FAM13C: variants seen among roughly 807,000 people sequenced by gnomAD.
FAM13C encodes the protein protein FAM13C.
FAM13C carries 37 observed loss-of-function variants against 73.2 expected under a neutral mutation model. The ratio of observed to expected loss-of-function variants is 0.51; its 90% CI spans 0.39 to 0.67. The LOEUF is 0.67. Among genes scored for constraint, FAM13C ranks in the 30% least tolerant of loss-of-function variants. The pLI, the probability that FAM13C is intolerant of heterozygous loss-of-function variation, is 0.00. For missense variants in FAM13C, 589 were observed against 715.6 expected (o/e 0.82, Z 2.02); for synonymous variants, 246 against 260.9 (o/e 0.94, Z 0.55).
At position 59,360,958 on chromosome 10, in the gene FAM13C, A is replaced by T; in HGVS notation, c.62+1441T>A. On this transcript the variant is annotated intron_variant, in intron 1 of 13. Coordinates refer to ENST00000618804, the MANE Select transcript of FAM13C (RefSeq NM_198215.4). ...GACTGACCGAGGATTTGGCCACACC[A>T]GGCTCCTGAGAATCGGGGCCAGAAA... 2.5e-6 allele frequency: 3 copies of T among 1,211,276 alleles called. No individual in the cohort carries two copies. In the South Asian group the frequency reaches 3.8e-5, roughly 15 times the overall value. The allele number at this position is 1,211,276 out of a possible 1,614,324, so 75.0% of individuals were successfully genotyped here. A position where few individuals can be genotyped will look rare whatever the true frequency, so the allele number is the denominator to read the frequency against.
chr10:59,324,933 A>G (rs1219379954), intron 3 of FAM13C, among the ~76,000 whole-genome samples: 1 of 152,230 alleles, frequency 6.6e-6, no homozygotes, highest in Admixed American at 6.5e-5. Flanking sequence ...TGGATTCAAC[A>G]CAAAGACATG....
intron 4 of FAM13C, among the ~76,000 whole-genome samples, chr10:59,303,812 G>A (rs1847889154): frequency 6.6e-6 from 1 of 152,108 alleles, no homozygotes. Flanking sequence ...AGTGATGTGA[G>A]CTTTTTTTCA....
At chr10:59,339,907 G>C (rs919197340) in intron 3 of FAM13C, among the ~76,000 whole-genome samples, 2 of 152,206 alleles carry the variant, frequency 1.3e-5, no homozygotes, top group African/African-American at 4.8e-5. Context: ...TTATGTGTGT[G>C]TGTGTTGAAG....
chr10:59,336,148 G>T (rs187271045), intron 3 of FAM13C, among the ~76,000 whole-genome samples: 165 of 152,300 alleles, frequency 1.1e-3, no homozygotes, highest in African/African-American at 3.9e-3. Flanking sequence ...TAGGCAAAGA[G>T]CACAGTAAAA....
chr10:59,299,545 C>T (rs548683525), intron 5 of FAM13C, among the ~76,000 whole-genome samples: 35 of 148,128 alleles, frequency 2.4e-4, no homozygotes, highest in African/African-American at 4.5e-4. Context: ...GAGATTTATT[C>T]GTTTTCTTTA....
chr10:59,307,313 T>C (rs1383337678), intron 4 of FAM13C, among the ~76,000 whole-genome samples: 3 of 152,102 alleles, frequency 2.0e-5, no homozygotes, highest in African/African-American at 7.2e-5. Flanking sequence ...TTTTGCTTCG[T>C]TATGTGCTAG....
intron 3 of FAM13C, among the ~76,000 whole-genome samples, chr10:59,325,436 CT>C (rs1414880384): frequency 1.3e-5 from 2 of 152,196 alleles, no homozygotes; most frequent in Non-Finnish European, 1.5e-5. Context: ...AAGATCCTCT[CT>C]TTAATTCTTT....
At position 59,251,641 on chromosome 10, in the gene FAM13C, G is replaced by T; in HGVS notation, c.1568C>A (p.Ala523Asp). 1 of 1,611,898 alleles carries T rather than the reference G, an allele frequency of 6.2e-7. No individual in the cohort carries two copies. Among genetic ancestry groups the T allele is most frequent in the Non-Finnish European group, 8.5e-7 (1 of 1,179,280 alleles). ...GGCTTTCCGCAGTCTCTTCTTGTCA[G>T]CCCTAGTTTCTCGGAGATGGTCAAG... ...VLLDHLRETR[A>D]DKKRLRKALR... The change falls in exon 13 of 14, where the codon GCT becomes GAT. Residue 523 changes from alanine (A) to aspartate (D), a missense_variant. Ala to Asp is a moderately radical substitution (Grantham distance 126). Transcript: ENST00000618804.
At chr10:59,323,905 T>C in intron 4 of FAM13C, 83 bp downstream of exon 4, 1 of 1,181,648 alleles carries the variant, frequency 8.5e-7, no homozygotes, top group Non-Finnish European at 1.3e-6. Context: ...AAGCCTTGCC[T>C]CTTGTGTGGG....
Position 59,294,871 on chromosome 10 carries a change from C to T in FAM13C, c.507+7930G>A, listed in dbSNP as rs374912093. Reference sequence around the variant, plus strand: ...CTCAGAAAGCCATACCAGAAAAATGCTAAGTGGCATCCTGCAGGGGTCCAG... The same window carrying T: ...CTCAGAAAGCCATACCAGAAAAATGTTAAGTGGCATCCTGCAGGGGTCCAG... On this transcript the variant is annotated intron_variant, in intron 5 of 13. Transcript: ENST00000618804. Among the ~76,000 whole-genome samples the T allele has an allele frequency of 4.6e-4, 70 of 152,298 alleles. 1 individual carries two copies. Among genetic ancestry groups the T allele is most frequent in the African/African-American group, 1.5e-3 (64 of 41,566 alleles).
At chr10:59,285,000 C>T (rs1156890270) in intron 5 of FAM13C, among the ~76,000 whole-genome samples, 1 of 152,220 alleles carries the variant, frequency 6.6e-6, no homozygotes, top group Non-Finnish European at 1.5e-5. Flanking sequence ...ACACACACCA[C>T]TTGATCCATT....
chr10:59,288,927 T>A (rs1845891791), intron 5 of FAM13C, among the ~76,000 whole-genome samples: 1 of 152,028 alleles, frequency 6.6e-6, no homozygotes, highest in South Asian at 2.1e-4. Flanking sequence ...TGGGATGGGG[T>A]CCATGAAGAG....
intron 1 of FAM13C, among the ~76,000 whole-genome samples, chr10:59,356,252 T>A (rs1589735190): frequency 6.6e-6 from 1 of 152,288 alleles, no homozygotes; most frequent in South Asian, 2.1e-4. Flanking sequence ...CCAATACTGG[T>A]ATCCTCAAGA....
At chr10:59,353,417 A>G (rs1034261536) in intron 2 of FAM13C, among the ~76,000 whole-genome samples, 1 of 152,010 alleles carries the variant, frequency 6.6e-6, no homozygotes, top group Non-Finnish European at 1.5e-5. Context: ...TACCACAATC[A>G]CTGTCACTAG....
chr10:59,255,118 T>C (rs1251043711), intron 10 of FAM13C, among the ~76,000 whole-genome samples: 1 of 152,208 alleles, frequency 6.6e-6, no homozygotes, highest in Non-Finnish European at 1.5e-5. Context: ...TGATTATATG[T>C]AGTCACAAAT....
intron 1 of FAM13C, chr10:59,360,953 A>C (rs1856332723): frequency 2.5e-6 from 3 of 1,188,720 alleles, no homozygotes; most frequent in Non-Finnish European, 3.3e-6. Context: ...GGATTTGGCC[A>C]CACCAGGCTC....
chr10:59,277,222 C>T (rs1217922978), intron 6 of FAM13C, among the ~76,000 whole-genome samples: 1 of 152,044 alleles, frequency 6.6e-6, no homozygotes, highest in Non-Finnish European at 1.5e-5. Context: ...ATTTGGGGAG[C>T]TCTGATAGAA....
chr10:59,329,727 A>C (rs1180547084), intron 3 of FAM13C, among the ~76,000 whole-genome samples: 1 of 152,182 alleles, frequency 6.6e-6, no homozygotes, highest in African/African-American at 2.4e-5. Flanking sequence ...TTTCTAGTAG[A>C]AAACAGACAT....
At chr10:59,247,857 G>T in intron 13 of FAM13C, 120 bp from the exon 14 acceptor site, 1 of 908,226 alleles carries the variant, frequency 1.1e-6, no homozygotes, top group Non-Finnish European at 1.6e-6. Flanking sequence ...TTTGCATCAT[G>T]TCTTCTTTTC....
Sources: gnomAD v4.1 joint callset for allele counts (sites outside exome capture counted in the v4.1 genomes callset) on GRCh38, gnomAD v4.1.1 for gene constraint, MANE v1.5 for transcripts, NCBI Gene and HGNC (gene_info 2026-07-23, HGNC 2026-07-21) for gene names.